The following CLDN11 variants were observed in gnomAD, a reference collection of about 807,000 sequenced individuals.
CLDN11 encodes the protein claudin 11.
In CLDN11, 1 loss-of-function variant was observed where a neutral mutation model predicts 18.0. The ratio of observed to expected loss-of-function variants is 0.06; its 90% CI spans 0.02 to 0.26. The LOEUF (loss-of-function observed/expected upper bound fraction) is 0.26. Among genes scored for constraint, CLDN11 ranks in the 10% least tolerant of loss-of-function variants. The pLI, the probability that CLDN11 is intolerant of heterozygous loss-of-function variation, is 1.00. For missense variants in CLDN11, 172 were observed against 276.6 expected (o/e 0.62, Z 2.68); for synonymous variants, 116 against 121.5 (o/e 0.96, Z 0.30).
chr3:170,421,588 G>T (rs910718084), intron 1 of CLDN11, among the ~76,000 whole-genome samples: 1 of 152,172 alleles, frequency 6.6e-6, no homozygotes, highest in African/African-American at 2.4e-5. Context: ...CGTGGTGTGT[G>T]AGGCAGATGT....
intron 2 of CLDN11, among the ~76,000 whole-genome samples, chr3:170,428,185 A>G (rs991732815): frequency 1.3e-5 from 2 of 150,914 alleles, no homozygotes; most frequent in African/African-American, 4.9e-5. Context: ...AAGAAATGTC[A>G]GTGTCTACTG....
Position 170,431,276 on chromosome 3 carries a change from C to T in CLDN11, c.392-1248C>T, listed in dbSNP as rs187858284. The stretch of plus-strand genomic sequence containing the variant: ...AAGCTTGCTGAGTTGAAAGTGATAA[C>T]GGTACCCCTGGTGGCAAACATCAGA... On this transcript the variant is annotated intron_variant, in intron 2 of 2. Transcript: ENST00000064724. Among the ~76,000 whole-genome samples, 669 of 152,204 alleles carry T rather than the reference C, an allele frequency of 4.4e-3. 12 individuals are homozygous for T. Among genetic ancestry groups the T allele is most frequent in the Non-Finnish European group, 3.3e-3 (224 of 68,014 alleles).
rs148546063 is a variant in CLDN11, at chr3:170,419,572, G to A, written c.226+280G>A. 2.0e-5 allele frequency among the ~76,000 whole-genome samples: 3 copies of A among 152,264 alleles called. No homozygotes were observed. The highest frequency in any genetic ancestry group is 4.4e-5 in the Non-Finnish European group (3 of 68,036). On this transcript the variant is annotated intron_variant, in intron 1 of 2. Transcript: ENST00000064724. The surrounding 1 kb of genome is among the most constrained non-coding windows in gnomAD (Gnocchi z 8.6). Reference sequence around the variant, plus strand: ...AATGAACAAACCGGAACACCTAATAGGAACTGAGTCCGTGTTAATTACTGC... The same window carrying A: ...AATGAACAAACCGGAACACCTAATAAGAACTGAGTCCGTGTTAATTACTGC...
At chr3:170,428,657 A>T (rs7616830) in intron 2 of CLDN11, among the ~76,000 whole-genome samples, 1 of 152,074 alleles carries the variant, frequency 6.6e-6, no homozygotes, top group South Asian at 2.1e-4. Flanking sequence ...CTAAGAATAT[A>T]CCTCAGTTTT....
intron 2 of CLDN11, among the ~76,000 whole-genome samples, chr3:170,424,211 A>G (rs1738791243): frequency 6.6e-6 from 1 of 152,122 alleles, no homozygotes; most frequent in Non-Finnish European, 1.5e-5. Context: ...ACTGGGGAAA[A>G]TAGGCCGTCT....
rs376389468 is a variant in CLDN11, at chr3:170,423,343, C to T, written c.391+16C>T. 1.2e-6 allele frequency: 2 copies of T among 1,613,490 alleles called. No homozygotes were observed. The highest frequency in any genetic ancestry group is 2.7e-5 in the African/African-American group (2 of 74,896). On this transcript the variant is annotated intron_variant, in intron 2 of 2. Transcript: ENST00000064724. ...ATTCTGCTGGGTAAGACAGCTTTCT[C>T]AGTGGTACCCTACCTATGAGGGAGC...
At chr3:170,422,666 A>T (rs1738752362) in intron 1 of CLDN11, among the ~76,000 whole-genome samples, 2 of 152,256 alleles carry the variant, frequency 1.3e-5, no homozygotes, top group South Asian at 2.1e-4. Context: ...CAGAAGATCC[A>T]CCTGCCTTGG....
intron 2 of CLDN11, among the ~76,000 whole-genome samples, chr3:170,427,699 C>T (rs980436197): frequency 2.6e-4 from 39 of 151,690 alleles, no homozygotes; most frequent in East Asian, 3.9e-4. Context: ...ATCCCAGCTA[C>T]GCAGGAGGCT....
intron 2 of CLDN11, among the ~76,000 whole-genome samples, chr3:170,430,788 C>A (rs186050948): frequency 3.3e-5 from 5 of 152,166 alleles, no homozygotes; most frequent in Admixed American, 1.3e-4. Context: ...TCAGGTGATT[C>A]GCCCACCTTG....
intron 1 of CLDN11, among the ~76,000 whole-genome samples, chr3:170,421,832 TC>T (rs1738732579): frequency 1.3e-5 from 2 of 152,378 alleles, no homozygotes; most frequent in African/African-American, 4.8e-5. Context: ...GTAATCTGTT[TC>T]TTAATACAGT....
chr3:170,429,098 C>G (rs985071952), intron 2 of CLDN11, among the ~76,000 whole-genome samples: 1 of 152,156 alleles, frequency 6.6e-6, no homozygotes, highest in Non-Finnish European at 1.5e-5. Context: ...CTTTACTGGT[C>G]AAAACATATC....
rs546633000 is a variant in CLDN11, at chr3:170,421,253, C to T, written c.227-1910C>T. The T allele has an allele frequency of 2.1e-5, 21 of 985,062 alleles. No individual in the cohort carries two copies. The East Asian group carries it at 1.6e-3, about 75-fold the overall frequency. 61.0% of individuals were successfully genotyped at this position (985,062 alleles called of 1,614,324 possible). A position where few individuals can be genotyped will look rare whatever the true frequency, so the allele number is the denominator to read the frequency against. The stretch of plus-strand genomic sequence containing the variant: ...TCCTCTGTCCCTATCTTTTGGTGTC[C>T]GGACATGGCCTTGGCACTGTAGCAT... On this transcript the variant is annotated intron_variant, in intron 1 of 2. Transcript: ENST00000064724.
At chr3:170,423,784 G>A (rs1424432361) in intron 2 of CLDN11, 1 of 158,272 alleles carries the variant, frequency 6.3e-6, no homozygotes, top group Non-Finnish European at 1.4e-5. Flanking sequence ...TAAAGAAGGA[G>A]GCCGAGGTGG....
In CLDN11 at chr3:170,419,432, G is replaced by A. The variant is rs1390347892; in HGVS notation, c.226+140G>A. 2 of 620,208 alleles carry A rather than the reference G, an allele frequency of 3.2e-6. No homozygotes were observed. Among genetic ancestry groups the A allele is most frequent in the Non-Finnish European group, 5.6e-6 (2 of 356,210 alleles). The allele number at this position is 620,208 out of a possible 1,614,324, so 38.4% of individuals were successfully genotyped here. On this transcript the variant is annotated intron_variant, in intron 1 of 2. Coordinates refer to ENST00000064724, the MANE Select transcript of CLDN11 (RefSeq NM_005602.6). This position sits in a 1 kb window ranked among gnomAD's most constrained non-coding sequence, Gnocchi z 8.6. ...TTGACATCCCTAGTCCCACCTTGTT[G>A]TAAAAGAATTAGGCAGCCCCGAACT...
intron 2 of CLDN11, among the ~76,000 whole-genome samples, chr3:170,424,040 A>G (rs1738785885): frequency 1.8e-5 from 2 of 114,090 alleles, no homozygotes; most frequent in African/African-American, 9.3e-5. Context: ...AAAAAAAAAG[A>G]AAAAGAAAAA....
chr3:170,430,621 C>T lies in CLDN11; in HGVS notation c.392-1903C>T, dbSNP rs546468540. Among the ~76,000 whole-genome samples, 7 of 151,880 alleles carry T rather than the reference C, an allele frequency of 4.6e-5. No individual in the cohort carries two copies. In the South Asian group the frequency reaches 1.0e-3, roughly 23 times the overall value. On this transcript the variant is annotated intron_variant, in intron 2 of 2. Coordinates refer to ENST00000064724, the MANE Select transcript of CLDN11 (RefSeq NM_005602.6). Reference sequence around the variant, plus strand: ...TGGCAAGATCTCCGCTCACTGCATGCAACCTCTGCCTTCTGGGTTCAAGCA... The same window carrying T: ...TGGCAAGATCTCCGCTCACTGCATGTAACCTCTGCCTTCTGGGTTCAAGCA...
Position 170,423,257 on chromosome 3 carries a change from G to A in CLDN11, c.321G>A (p.Arg107=). 1 of 1,614,214 alleles carries A rather than the reference G, an allele frequency of 6.2e-7. No individual in the cohort carries two copies. The highest frequency in any genetic ancestry group is 1.1e-5 in the South Asian group (1 of 91,082). The change falls in exon 2 of 3, where the codon CGG becomes CGA. Residue 107 remains arginine, a synonymous_variant. Transcript: ENST00000064724. ...TGCTGACTGTTCTTCCCTGCATCCG[G>A]ATGGGCCAGGAGCCCGGTGTGGCTA... ...LLLLTVLPCI[R]MGQEPGVAKY...
rs760519738 is a variant in CLDN11 at position 170,432,631 on chromosome 3, C to T, written c.499C>T (p.Leu167=). 6.2e-7 allele frequency: 1 copy of T among 1,614,180 alleles called. No homozygotes were observed. The highest frequency in any genetic ancestry group is 1.7e-5 in the Admixed American group (1 of 60,024). The stretch of plus-strand genomic sequence containing the variant: ...GTATGCAGGCTGGATTGGTGCTGTG[C>T]TGTGCCTCGTGGGTGGCTGTGTCAT... ...SLYAGWIGAV[L]CLVGGCVILC... Residue 167 remains leucine (L), a synonymous_variant, in exon 3 of 3, where the codon CTG becomes TTG. Transcript: ENST00000064724.
chr3:170,426,222 T>C (rs1358209335), intron 2 of CLDN11, among the ~76,000 whole-genome samples: 1 of 152,232 alleles, frequency 6.6e-6, no homozygotes, highest in Non-Finnish European at 1.5e-5. Context: ...TTCCTGACCC[T>C]GAAAATCTGT....
Sources: gnomAD v4.1 joint callset for allele counts (sites outside exome capture counted in the v4.1 genomes callset) on GRCh38, gnomAD v4.1.1 for gene constraint, Gnocchi (gnomAD v3.1) non-coding constraint, MANE v1.5 for transcripts, NCBI Gene and HGNC (gene_info 2026-07-23, HGNC 2026-07-21) for gene names.